XPO7: variants seen among roughly 807,000 people sequenced by gnomAD.
XPO7 encodes exportin-7.
A neutral mutation model predicts 144.3 loss-of-function variants in XPO7; 21 were observed. The ratio of observed to expected loss-of-function variants is 0.15; its 90% confidence interval spans 0.10 to 0.21. The LOEUF (loss-of-function observed/expected upper bound fraction) is 0.21, where lower values mean the gene tolerates loss of function less well. Among genes scored for constraint, XPO7 ranks in the 10% least tolerant of loss-of-function variants. The pLI is 1.00. For synonymous variants in XPO7, 580 were observed against 499.6 expected, an observed-to-expected ratio of 1.16 and a Z score of -2.15; for missense variants, 808 against 1,325.8, an observed-to-expected ratio of 0.61 and a Z score of 6.06.
At chr8:21,990,594 GA>G in intron 17 of XPO7, 187 bp downstream of exon 17, 1 of 745,284 alleles carries the variant, frequency 1.3e-6, no homozygotes, top group East Asian at 2.7e-5. Flanking sequence ...CAGATGATGT[GA>G]GTTATGGTGA....
At chr8:21,943,404 A>T (rs909905312) in intron 1 of XPO7, among the ~76,000 whole-genome samples, 4 of 152,182 alleles carry the variant, frequency 2.6e-5, no homozygotes, top group Admixed American at 2.6e-4. Flanking sequence ...GCATGTTTTA[A>T]AATATTCTAA....
intron 24 of XPO7, 37 bp downstream of exon 24, chr8:21,999,711 T>A: frequency 6.2e-7 from 1 of 1,612,328 alleles, no homozygotes; most frequent in Admixed American, 1.7e-5. Flanking sequence ...TTGGTGGGTT[T>A]GTTTTTTACC....
rs563144642 is a variant in XPO7, at chr8:21,998,256, A to G, written c.2346-499A>G. On this transcript the variant is annotated intron_variant, in intron 21 of 27. Coordinates refer to ENST00000252512, the MANE Select transcript of XPO7 (RefSeq NM_015024.5). ...GGAGATCGAGACCATCCTGGCTAAC[A>G]TGGTGAAATCCCATCTCCACTAAAA... Among the ~76,000 whole-genome samples the G allele has an allele frequency of 5.8e-4, 88 of 152,266 alleles. 1 individual carries two copies. The highest frequency in any genetic ancestry group is 1.0e-3 in the Non-Finnish European group (71 of 68,006).
At chr8:21,931,696 T>C (rs1810655220) in intron 1 of XPO7, among the ~76,000 whole-genome samples, 3 of 152,230 alleles carry the variant, frequency 2.0e-5, no homozygotes, top group African/African-American at 7.2e-5. Flanking sequence ...TGGCTGCCAA[T>C]ACCCCTTAAA....
chr8:21,919,740 G>T lies in XPO7; in HGVS notation c.-31G>T, dbSNP rs555927662. 5.1e-3 allele frequency: 2,089 copies of T among 412,384 alleles called. 16 individuals are homozygous for T. The highest frequency in any genetic ancestry group is 6.3e-3 in the Non-Finnish European group (1,791 of 282,072). 25.5% of individuals were successfully genotyped at this position (412,384 alleles called of 1,614,324 possible). A position where few individuals can be genotyped will look rare whatever the true frequency, so the allele number is the denominator to read the frequency against. ...GCCGAGGTGCGCGCTGGGGGGGAGG[G>T]GGGGCCGGAGAGGAGCATGAATGGA... On this transcript the variant is annotated 5_prime_UTR_variant, in exon 1 of 28. Coordinates refer to ENST00000252512, the MANE Select transcript of XPO7 (RefSeq NM_015024.5).
chr8:21,990,283 C>A (rs1233455972), intron 16 of XPO7, 61 bp from the exon 17 acceptor site: 9 of 1,546,272 alleles, frequency 5.8e-6, no homozygotes, highest in African/African-American at 1.4e-5. Context: ...GGAAAGTTTC[C>A]ATCTGCCTTA....
intron 1 of XPO7, among the ~76,000 whole-genome samples, chr8:21,925,284 C>T (rs1041579436): frequency 2.6e-5 from 4 of 152,212 alleles, no homozygotes; most frequent in Non-Finnish European, 4.4e-5. Flanking sequence ...TTCACCCCTT[C>T]GCACATGTGT....
intron 1 of XPO7, among the ~76,000 whole-genome samples, chr8:21,951,635 C>T (rs1296725001): frequency 6.6e-6 from 1 of 152,116 alleles, no homozygotes; most frequent in Non-Finnish European, 1.5e-5. Flanking sequence ...TGCTTTTCTG[C>T]CCATTTTGTT....
At chr8:21,924,354 A>C (rs932357228) in intron 1 of XPO7, among the ~76,000 whole-genome samples, 4 of 152,144 alleles carry the variant, frequency 2.6e-5, no homozygotes, top group African/African-American at 9.7e-5. Flanking sequence ...CACAAAGTGA[A>C]TACTCCTTAC....
intron 1 of XPO7, among the ~76,000 whole-genome samples, chr8:21,923,202 C>G (rs1810347919): frequency 6.6e-6 from 1 of 152,184 alleles, no homozygotes; most frequent in South Asian, 2.1e-4. Flanking sequence ...GTGCAAGGCC[C>G]TTTCTGTGCT....
chr8:21,994,940 G>C (rs868360704), intron 20 of XPO7, among the ~76,000 whole-genome samples: 2 of 152,042 alleles, frequency 1.3e-5, no homozygotes, highest in Non-Finnish European at 2.9e-5. Context: ...TGTAGTCCCA[G>C]ATACTTGGGA....
intron 1 of XPO7, among the ~76,000 whole-genome samples, chr8:21,946,823 T>G (rs1030494651): frequency 6.6e-6 from 1 of 151,506 alleles, no homozygotes; most frequent in African/African-American, 2.4e-5. Flanking sequence ...AGACAAAACA[T>G]CTTATCAGAA....
intron 21 of XPO7, among the ~76,000 whole-genome samples, chr8:21,997,766 A>G (rs1813000293): frequency 6.6e-6 from 1 of 152,138 alleles, no homozygotes; most frequent in Admixed American, 6.5e-5. Context: ...GGCAGGTAAG[A>G]GTAGAAGCAG....
chr8:21,954,864 G>A (rs773724409), intron 1 of XPO7, among the ~76,000 whole-genome samples: 12 of 152,108 alleles, frequency 7.9e-5, no homozygotes, highest in Admixed American at 5.9e-4. Context: ...CTTGTTTGCT[G>A]TATGGTAAAC....
intron 1 of XPO7, among the ~76,000 whole-genome samples, chr8:21,934,490 G>A (rs143009940): frequency 0.024 from 3,596 of 151,806 alleles, 154 homozygotes; most frequent in African/African-American, 0.083. Context: ...CCGAGATTGC[G>A]CCACTGCACT....
intron 1 of XPO7, among the ~76,000 whole-genome samples, chr8:21,937,758 T>C (rs1810867401): frequency 1.3e-5 from 2 of 152,230 alleles, no homozygotes; most frequent in South Asian, 4.1e-4. Context: ...GGTATCTTTG[T>C]TCCTCTTTTA....
At chr8:21,931,168 CTT>C (rs555278678) in intron 1 of XPO7, among the ~76,000 whole-genome samples, 4 of 144,278 alleles carry the variant, frequency 2.8e-5, no homozygotes, top group Non-Finnish European at 4.6e-5. Context: ...TTCTCTCTCT[CTT>C]TTTTTTTTTT....
intron 1 of XPO7, among the ~76,000 whole-genome samples, chr8:21,920,651 G>A (rs983804852): frequency 4.6e-4 from 70 of 152,326 alleles, no homozygotes; most frequent in African/African-American, 1.6e-3. Context: ...ACCAAACCCA[G>A]TAGCAGATGG....
Position 21,989,127 on chromosome 8 carries a change from A to G in XPO7, c.1868+44A>G, listed in dbSNP as rs992293891. The G allele has an allele frequency of 2.6e-6, 4 of 1,557,592 alleles. No homozygotes were observed. In the Admixed American group the frequency reaches 5.1e-5, roughly 20 times the overall value. On this transcript the variant is annotated intron_variant, in intron 16 of 27. Coordinates refer to ENST00000252512, the MANE Select transcript of XPO7 (RefSeq NM_015024.5). ...ACTTCTGTGCACAACAGAAACTGGC[A>G]TGCCACAGTCTTAGAATCATGGCCT...
Sources: gnomAD v4.1 joint callset for allele counts (sites outside exome capture counted in the v4.1 genomes callset) on GRCh38, gnomAD v4.1.1 for gene constraint, MANE v1.5 for transcripts, NCBI Gene and HGNC (gene_info 2026-07-23, HGNC 2026-07-21) for gene names.